The following NFIC variants were observed in gnomAD, a reference collection of about 807,000 sequenced individuals.
The protein encoded by NFIC is nuclear factor 1 C-type.
In NFIC, 12 loss-of-function variants were observed where a neutral mutation model predicts 54.4. The ratio of observed to expected loss-of-function variants is 0.22; its 90% CI spans 0.14 to 0.36. The LOEUF is 0.36. NFIC is among the 10% of genes least tolerant of loss of function. NFIC has a pLI of 1.00. For synonymous variants in NFIC, 322 were observed against 319.2 expected (o/e 1.01, Z -0.09); for missense variants, 575 against 718.2 (o/e 0.80, Z 2.28).
In NFIC at chr19:3,370,865, C is replaced by T. The variant is rs1043865617; in HGVS notation, c.30+4199C>T. Among the ~76,000 whole-genome samples, 1 of 152,036 alleles carries T rather than the reference C, an allele frequency of 6.6e-6. No homozygotes were observed. Among genetic ancestry groups the T allele is most frequent in the Non-Finnish European group, 1.5e-5 (1 of 67,926 alleles). On this transcript the variant is annotated intron_variant, in intron 1 of 10. Coordinates refer to ENST00000443272, the MANE Select transcript of NFIC (RefSeq NM_001245002.2). This position sits in a 1 kb window ranked among gnomAD's most constrained non-coding sequence, Gnocchi z 5.2. ...CCCCCCACTCTCCTGCCTGTGTCCA[C>T]GCCGACCTCACCTGGGTGCCCATCT...
chr19:3,413,300 T>C (rs1426996233), intron 2 of NFIC, among the ~76,000 whole-genome samples: 1 of 151,870 alleles, frequency 6.6e-6, no homozygotes, highest in Non-Finnish European at 1.5e-5. Flanking sequence ...CCAGGAATCA[T>C]CCCAAACCGC....
intron 9 of NFIC, chr19:3,454,370 T>C (rs751303973): frequency 2.8e-6 from 2 of 714,098 alleles, no homozygotes; most frequent in Non-Finnish European, 3.4e-6. Flanking sequence ...AGTTCTGGCT[T>C]CTTGGGGAGA....
intron 5 of NFIC, among the ~76,000 whole-genome samples, chr19:3,434,625 C>A (rs2082170130): frequency 6.6e-6 from 1 of 152,178 alleles, no homozygotes; most frequent in Non-Finnish European, 1.5e-5. Flanking sequence ...CAAGTCCTGC[C>A]GGCTCAGCCA....
chr19:3,390,898 G>A (rs1486346364), intron 2 of NFIC, among the ~76,000 whole-genome samples: 1 of 152,038 alleles, frequency 6.6e-6, no homozygotes, highest in African/African-American at 2.4e-5. Context: ...TCATGGGGAC[G>A]GGGTTTCAGT....
At position 3,453,013 on chromosome 19, in the gene NFIC, A is replaced by G. The variant is rs1430519620; in HGVS notation, c.1269+347A>G. Among the ~76,000 whole-genome samples, 2 of 152,110 alleles carry G rather than the reference A, an allele frequency of 1.3e-5. No individual in the cohort carries two copies. Among genetic ancestry groups the G allele is most frequent in the Non-Finnish European group, 2.9e-5 (2 of 68,018 alleles). On this transcript the variant is annotated intron_variant, in intron 8 of 10. Transcript: ENST00000443272. This position sits in a 1 kb window ranked among gnomAD's most constrained non-coding sequence, Gnocchi z 6.7. The stretch of plus-strand genomic sequence containing the variant: ...CGCTTTCGGAGGCCAAGGCGGGAGG[A>G]TTGCATAAGCCCAGAGTTCAAGACC...
At chr19:3,371,904 C>CTTCT (rs1457284225) in intron 1 of NFIC, among the ~76,000 whole-genome samples, 4 of 67,852 alleles carry the variant, frequency 5.9e-5, no homozygotes, top group Admixed American at 2.0e-4. Flanking sequence ...TCCTTCCTTC[C>CTTCT]TTCCTTCCTT....
intron 2 of NFIC, among the ~76,000 whole-genome samples, chr19:3,400,515 T>C (rs1039460927): frequency 6.6e-6 from 1 of 151,840 alleles, no homozygotes; most frequent in Non-Finnish European, 1.5e-5. Flanking sequence ...ACTCACAGTT[T>C]GGTTCAGGCG....
chr19:3,406,052 C>T (rs1763700787), intron 2 of NFIC, among the ~76,000 whole-genome samples: 2 of 152,122 alleles, frequency 1.3e-5, no homozygotes, highest in South Asian at 2.1e-4. Context: ...TCCTGAGTAG[C>T]TGGGACCACA....
rs2082714611 is a variant in NFIC at position 3,466,159 on chromosome 19, CA to C, written c.*3391del. On this transcript the variant is annotated 3_prime_UTR_variant, in exon 11 of 11. Transcript: ENST00000443272. This position sits in a 1 kb window ranked among gnomAD's most constrained non-coding sequence, Gnocchi z 4.8. ...CAGGGACAGCCAGGTGGCACCGAGTCACAGGCTGTGGTCCGGTGGCTGAGCA... is the reference window on the plus strand; with the variant it reads ...CAGGGACAGCCAGGTGGCACCGAGTCCAGGCTGTGGTCCGGTGGCTGAGCA... The C allele has an allele frequency of 6.6e-6, 1 of 152,206 alleles. No individual in the cohort carries two copies. The highest frequency in any genetic ancestry group is 6.5e-5 in the Admixed American group (1 of 15,282). 9.4% of individuals were successfully genotyped at this position (152,206 alleles called of 1,614,324 possible). A position where few individuals can be genotyped will look rare whatever the true frequency, so the allele number is the denominator to read the frequency against.
chr19:3,464,789 C>T lies in NFIC; in HGVS notation c.*2020C>T. The stretch of plus-strand genomic sequence containing the variant: ...GTTCGCCATCCTCTGGCCTCGAGCC[C>T]TTGGTCCCTCCGTCCGTCTGTCCTC... On this transcript the variant is annotated 3_prime_UTR_variant, in exon 11 of 11. Coordinates refer to ENST00000443272, the MANE Select transcript of NFIC (RefSeq NM_001245002.2). 1.2e-6 allele frequency: 1 copy of T among 865,726 alleles called. No homozygotes were observed. The highest frequency in any genetic ancestry group is 1.4e-6 in the Non-Finnish European group (1 of 720,618). 53.6% of individuals were successfully genotyped at this position (865,726 alleles called of 1,614,324 possible).
upstream of NFIC, among the ~76,000 whole-genome samples, chr19:3,363,236 T>TGTGTGTGC (rs1314178191): frequency 4.7e-5 from 3 of 63,852 alleles, no homozygotes; most frequent in African/African-American, 1.7e-4. Flanking sequence ...TATGTGTATG[T>TGTGTGTGC]GTGTGTATAT....
At chr19:3,363,916 G>A (rs1198860124), upstream of NFIC, among the ~76,000 whole-genome samples, 1 of 152,220 alleles carries the variant, frequency 6.6e-6, no homozygotes, top group Non-Finnish European at 1.5e-5. Flanking sequence ...GAGCTCTCCA[G>A]CTTTCTGTCC....
At chr19:3,448,920 G>A (rs1179154637) in intron 6 of NFIC, 94 bp from the exon 7 acceptor site, 4 of 1,501,226 alleles carry the variant, frequency 2.7e-6, no homozygotes, top group Non-Finnish European at 3.6e-6. Context: ...GGGGTGATGA[G>A]GCTTCCTATC....
intron 2 of NFIC, among the ~76,000 whole-genome samples, chr19:3,384,549 T>C (rs1010432939): frequency 6.6e-6 from 1 of 152,056 alleles, no homozygotes; most frequent in African/African-American, 2.4e-5. Flanking sequence ...CCACCACGCC[T>C]GGCTAATTTT....
Position 3,429,251 on chromosome 19 carries a change from T to TAC in NFIC, c.634+4075_634+4076insCA, listed in dbSNP as rs1223236383. ...TACCCCAAAAAAAAAAAAAAAAATA[T>TAC]ATACACACACACACACACACACACA... On this transcript the variant is annotated intron_variant, in intron 3 of 10. Transcript: ENST00000443272. 2.5e-3 allele frequency among the ~76,000 whole-genome samples: 70 copies of TAC among 27,586 alleles called. 6 individuals carry two copies. Among genetic ancestry groups the TAC allele is most frequent in the South Asian group, 3.5e-3 (3 of 846 alleles). The allele number at this position is 27,586 out of a possible 152,430, so 18.1% of individuals were successfully genotyped here. A position where few individuals can be genotyped will look rare whatever the true frequency, so the allele number is the denominator to read the frequency against.
chr19:3,406,721 C>T (rs1053437299), intron 2 of NFIC, among the ~76,000 whole-genome samples: 4 of 151,896 alleles, frequency 2.6e-5, no homozygotes, highest in South Asian at 2.1e-4. Flanking sequence ...TGGACACACA[C>T]GGGAACCCTG....
chr19:3,375,078 A>G lies in NFIC; in HGVS notation c.31-6634A>G, dbSNP rs993078434. Reference sequence around the variant, plus strand: ...AGGGAACTCAGATCTACGAGGGGCCAGATGAGAAAAGGAATTAAGAGGAGA... The same window carrying G: ...AGGGAACTCAGATCTACGAGGGGCCGGATGAGAAAAGGAATTAAGAGGAGA... On this transcript the variant is annotated intron_variant, in intron 1 of 10. Transcript: ENST00000443272. This position sits in a 1 kb window ranked among gnomAD's most constrained non-coding sequence, Gnocchi z 4.6. Among the ~76,000 whole-genome samples the G allele has an allele frequency of 3.4e-5, 5 of 148,524 alleles. No individual in the cohort carries two copies. The highest frequency in any genetic ancestry group is 1.2e-4 in the African/African-American group (5 of 40,356).
At chr19:3,413,783 C>T (rs576670968) in intron 2 of NFIC, among the ~76,000 whole-genome samples, 5 of 152,104 alleles carry the variant, frequency 3.3e-5, no homozygotes, top group East Asian at 1.9e-4. Context: ...ATTACAGGCA[C>T]GCACCACCAC....
intron 3 of NFIC, among the ~76,000 whole-genome samples, chr19:3,430,956 A>AG (rs2082111538): frequency 6.6e-6 from 1 of 151,848 alleles, no homozygotes; most frequent in African/African-American, 2.4e-5. Context: ...AGAAAAGAAA[A>AG]AGAAAGAAAG....
Sources: allele counts gnomAD v4.1 joint callset (sites outside exome capture counted in the v4.1 genomes callset), GRCh38; gene constraint gnomAD v4.1.1; non-coding constraint Gnocchi (gnomAD v3.1); transcripts MANE v1.5; gene names NCBI Gene and HGNC (gene_info 2026-07-23, HGNC 2026-07-21).